Variants in SERPINB5 observed in about 807,000 individuals in gnomAD.
SERPINB5 encodes the protein serpin B5.
SERPINB5 carries 27 observed loss-of-function variants against 32.2 expected under a neutral mutation model. That is an observed-to-expected ratio of 0.84 (90% CI 0.62 to 1.16). The LOEUF (loss-of-function observed/expected upper bound fraction) is 1.16. Ranked by LOEUF, SERPINB5 falls within the 50% of genes most tolerant of loss-of-function variation. The pLI, the probability that SERPINB5 is intolerant of heterozygous loss-of-function variation, is 0.00. For missense variants in SERPINB5, 388 were observed against 436.3 expected (o/e 0.89, Z 0.99); for synonymous variants, 154 against 157.4 (o/e 0.98, Z 0.16).
intron 5 of SERPINB5, chr18:63,496,899 C>G (rs1509478): frequency 0.54 from 175,532 of 323,010 alleles, 49,630 homozygotes; most frequent in Non-Finnish European, 0.62. Flanking sequence ...AGTGCTTGGA[C>G]ATAAAAGACC....
chr18:63,494,350 TG>T (rs1293982343), intron 5 of SERPINB5, among the ~76,000 whole-genome samples: 2 of 119,096 alleles, frequency 1.7e-5, no homozygotes, highest in Non-Finnish European at 3.7e-5. Flanking sequence ...AAAAAAGAAA[TG>T]GGTAAAGTAC....
intron 4 of SERPINB5, among the ~76,000 whole-genome samples, chr18:63,490,107 G>C (rs1226786125): frequency 6.6e-6 from 1 of 152,138 alleles, no homozygotes; most frequent in Non-Finnish European, 1.5e-5. Context: ...CAGGAGAATG[G>C]CGTGAACCCG....
chr18:63,477,258 A>G (rs953151340), intron 1 of SERPINB5: 1 of 152,126 alleles, frequency 6.6e-6, no homozygotes, highest in African/African-American at 2.4e-5. Context: ...CACCAGGAAC[A>G]CTGCAGAGGG....
Position 63,484,464 on chromosome 18 carries a change from C to T in SERPINB5, c.36C>T (p.Ala12=), listed in dbSNP as rs2292294. The change falls in exon 2 of 7, where the codon GCC becomes GCT. Residue 12 remains alanine, a synonymous_variant. Coordinates refer to ENST00000382771, the MANE Select transcript of SERPINB5 (RefSeq NM_002639.5). ...TGCAACTAGCAAATTCGGCTTTTGC[C>T]GTTGATCTGTTCAAACAACTATGTG... The part of the protein sequence containing the change: ...DALQLANSAF[A]VDLFKQLCEK... The T allele has an allele frequency of 0.011, 17,230 of 1,613,694 alleles. 915 individuals are homozygous for T. In the East Asian group the frequency reaches 0.13, roughly 12 times the overall value.
chr18:63,484,472 T>C lies in SERPINB5; in HGVS notation c.44T>C (p.Leu15Pro), dbSNP rs147782595. ...QLANSAFAVD[L>P]FKQLCEKEPL... is the part of the protein sequence containing the mutation. ...GCAAATTCGGCTTTTGCCGTTGATC[T>C]GTTCAAACAACTATGTGAAAAGGAG... is the stretch of plus-strand genomic sequence containing the variant. Residue 15 changes from leucine (L) to proline (P), a missense_variant, in exon 2 of 7, where the codon CTG (leucine) becomes CCG (proline). Leu to Pro is a moderately conservative substitution (Grantham distance 98). Coordinates refer to ENST00000382771, the MANE Select transcript of SERPINB5 (RefSeq NM_002639.5). 6.7e-5 allele frequency: 108 copies of C among 1,613,786 alleles called. No individual in the cohort carries two copies. The highest frequency in any genetic ancestry group is 1.0e-4 in the Admixed American group (6 of 59,946).
chr18:63,479,307 T>C (rs1360238939), intron 1 of SERPINB5, among the ~76,000 whole-genome samples: 6 of 152,176 alleles, frequency 3.9e-5, no homozygotes, highest in Non-Finnish European at 8.8e-5. Context: ...TTTTCTCACC[T>C]AAATGGTCTA....
At chr18:63,478,599 C>CTGATATT (rs1917073844) in intron 1 of SERPINB5, among the ~76,000 whole-genome samples, 1 of 152,080 alleles carries the variant, frequency 6.6e-6, no homozygotes, top group African/African-American at 2.4e-5. Context: ...TTTGGCATTC[C>CTGATATT]ATTACTGATA....
In SERPINB5 at chr18:63,498,618, T is replaced by A. The variant is rs1167335953; in HGVS notation, c.568-502T>A. On this transcript the variant is annotated intron_variant, in intron 5 of 6. Coordinates refer to ENST00000382771, the MANE Select transcript of SERPINB5 (RefSeq NM_002639.5). This position sits in a 1 kb window ranked among gnomAD's most constrained non-coding sequence, Gnocchi z 4.2. ...TGTAACATGTAGATTATAAAGTATA[T>A]GAATAACTTTTCAAAGGAACACAAA... Among the ~76,000 whole-genome samples the A allele has an allele frequency of 6.6e-6, 1 of 152,172 alleles. No homozygotes were observed. Among genetic ancestry groups the A allele is most frequent in the Non-Finnish European group, 1.5e-5 (1 of 68,042 alleles).
chr18:63,491,019 T>G (rs1909321871), intron 4 of SERPINB5, among the ~76,000 whole-genome samples: 1 of 152,214 alleles, frequency 6.6e-6, no homozygotes, highest in Admixed American at 6.5e-5. Context: ...ATGTCATTAT[T>G]ATGCCTTTGC....
chr18:63,478,020 A>G (rs1467147070), intron 1 of SERPINB5, among the ~76,000 whole-genome samples: 1 of 151,934 alleles, frequency 6.6e-6, no homozygotes, highest in African/African-American at 2.4e-5. Flanking sequence ...CATCCCCTAC[A>G]TCTCCCGGGA....
Position 63,499,284 on chromosome 18 carries a change from G to A in SERPINB5, c.732G>A (p.Glu244=). 6 of 1,562,026 alleles carry A rather than the reference G, an allele frequency of 3.8e-6. No homozygotes were observed. Among genetic ancestry groups the A allele is most frequent in the Non-Finnish European group, 4.3e-6 (5 of 1,152,776 alleles). ...KDVEDESTGL[E]KIEKQLNSES... ...TGGAGGATGAGTCCACAGGCTTGGA[G>A]AAGGTAAGGAGAAGGCAGGTGCTCT... Residue 244 remains glutamate, a synonymous_variant, in exon 6 of 7, where the codon GAG becomes GAA. Transcript: ENST00000382771.
At chr18:63,501,226 G>A (rs531897551) in intron 6 of SERPINB5, among the ~76,000 whole-genome samples, 24 of 140,070 alleles carry the variant, frequency 1.7e-4, no homozygotes, top group Non-Finnish European at 2.7e-4. Flanking sequence ...CTGGTGTGTG[G>A]TGTTCCCCTT....
chr18:63,486,501 T>C (rs2144497051), intron 2 of SERPINB5, among the ~76,000 whole-genome samples: 1 of 152,340 alleles, frequency 6.6e-6, no homozygotes, highest in Admixed American at 6.5e-5. Flanking sequence ...ATAACCCAGC[T>C]TCATCGTTCT....
chr18:63,486,418 A>G (rs948918437), intron 2 of SERPINB5, among the ~76,000 whole-genome samples: 1 of 152,190 alleles, frequency 6.6e-6, no homozygotes, highest in Non-Finnish European at 1.5e-5. Context: ...CTTGTCCTGA[A>G]ATCTGATTCC....
intron 4 of SERPINB5, among the ~76,000 whole-genome samples, chr18:63,490,423 G>C (rs1041021957): frequency 6.6e-6 from 1 of 152,108 alleles, no homozygotes; most frequent in Non-Finnish European, 1.5e-5. Context: ...TGATGATTTT[G>C]AGGGCAAATC....
intron 5 of SERPINB5, 125 bp downstream of exon 5, chr18:63,493,220 C>T: frequency 8.1e-7 from 1 of 1,239,074 alleles, no homozygotes; most frequent in Non-Finnish European, 1.2e-6. Context: ...AAGTGCCTTT[C>T]CTGAGATGAA....
rs1403735311 is a variant in SERPINB5 at position 63,503,799 on chromosome 18, A to G, written c.*77A>G. 6.3e-6 allele frequency: 9 copies of G among 1,418,962 alleles called. No individual in the cohort carries two copies. The highest frequency in any genetic ancestry group is 8.8e-6 in the Non-Finnish European group (9 of 1,023,204). 87.9% of individuals were successfully genotyped at this position (1,418,962 alleles called of 1,614,324 possible). On this transcript the variant is annotated 3_prime_UTR_variant, in exon 7 of 7. Transcript: ENST00000382771. ...CTGTAAACTCTGCATCCAGAGATTC[A>G]TTTTCTAGATACAATAAATTGCTAA...
chr18:63,497,278 T>A (rs1909467361), intron 5 of SERPINB5: 1 of 1,124,132 alleles, frequency 8.9e-7, no homozygotes, highest in African/African-American at 1.5e-5. Flanking sequence ...GATCATTGGT[T>A]ATTCCAGGAA....
rs1909505484 is a variant in SERPINB5 at position 63,498,839 on chromosome 18, T to C, written c.568-281T>C. 7.5e-6 allele frequency among the ~76,000 whole-genome samples: 1 copy of C among 133,622 alleles called. No homozygotes were observed. Among genetic ancestry groups the C allele is most frequent in the African/African-American group, 2.6e-5 (1 of 38,004 alleles). 87.7% of individuals were successfully genotyped at this position (133,622 alleles called of 152,430 possible). Reference sequence around the variant, plus strand: ...TGTATATATGTATGGGGTATATATATATAGTATGTATATATAAGTGTGTAT... The same window carrying C: ...TGTATATATGTATGGGGTATATATACATAGTATGTATATATAAGTGTGTAT... On this transcript the variant is annotated intron_variant, in intron 5 of 6. Transcript: ENST00000382771. This position sits in a 1 kb window ranked among gnomAD's most constrained non-coding sequence, Gnocchi z 4.2.
Sources: allele counts gnomAD v4.1 joint callset (sites outside exome capture counted in the v4.1 genomes callset), GRCh38; gene constraint gnomAD v4.1.1; non-coding constraint Gnocchi (gnomAD v3.1); transcripts MANE v1.5; gene names NCBI Gene and HGNC (gene_info 2026-07-23, HGNC 2026-07-21).